The following GATB variants were observed in gnomAD, a reference collection of about 807,000 sequenced individuals.
GATB encodes the protein glutamyl-tRNA(Gln) amidotransferase subunit B, mitochondrial.
A neutral mutation model predicts 62.3 loss-of-function variants in GATB; 39 were observed. That is an observed-to-expected ratio of 0.63 (90% CI 0.48 to 0.82). The LOEUF is 0.82. GATB is among the 40% of genes least tolerant of loss of function. The probability of loss-of-function intolerance (pLI) is 0.00; values close to 1 mark genes in which losing one functional copy is unlikely to be tolerated. For missense variants in GATB, 670 were observed against 684.0 expected (o/e 0.98, Z 0.23); for synonymous variants, 276 against 258.9 (o/e 1.07, Z -0.63).
chr4:151,731,499 C>T (rs1450606960), intron 2 of GATB, among the ~76,000 whole-genome samples: 1 of 152,220 alleles, frequency 6.6e-6, no homozygotes, highest in Non-Finnish European at 1.5e-5. Flanking sequence ...CCTTGGCCTC[C>T]CAAAGTGCCG....
intron 12 of GATB, among the ~76,000 whole-genome samples, chr4:151,672,257 T>C (rs2278304): frequency 0.59 from 90,343 of 152,118 alleles, 29,243 homozygotes; most frequent in African/African-American, 0.87. Context: ...TGGTTTTCAG[T>C]CATGCTCCTG....
rs777032329 is a variant in GATB at position 151,758,901 on chromosome 4, C to A, written c.198G>T (p.Val66=). The A allele has an allele frequency of 6.2e-7, 1 of 1,608,850 alleles. No homozygotes were observed. The highest frequency in any genetic ancestry group is 2.2e-5 in the East Asian group (1 of 44,746). The stretch of plus-strand genomic sequence containing the variant: ...TCTGGGCATGAATTTCCAAACCTAC[C>A]ACAGCAGCCCATTTGTGTTCACTAA... ...TRKGEHKWAA[V]VGLEIHAQIS... is the part of the protein sequence containing the mutation. Residue 66 remains valine, a synonymous_variant, in exon 2 of 13, where the codon GTG becomes GTT. Coordinates refer to ENST00000263985, the MANE Select transcript of GATB (RefSeq NM_004564.3).
intron 2 of GATB, among the ~76,000 whole-genome samples, chr4:151,745,978 A>G (rs1291430494): frequency 2.0e-5 from 3 of 152,260 alleles, no homozygotes; most frequent in African/African-American, 7.2e-5. Flanking sequence ...TATGTTACAT[A>G]CAGATAAGAG....
At chr4:151,682,306 G>T (rs1217445582) in intron 10 of GATB, among the ~76,000 whole-genome samples, 1 of 152,122 alleles carries the variant, frequency 6.6e-6, no homozygotes, top group African/African-American at 2.4e-5. Flanking sequence ...ATATGCCAGG[G>T]CTAAACTTGA....
At chr4:151,714,385 G>C (rs1738875595) in intron 5 of GATB, among the ~76,000 whole-genome samples, 1 of 152,244 alleles carries the variant, frequency 6.6e-6, no homozygotes, top group Non-Finnish European at 1.5e-5. Flanking sequence ...CAAAGGAGAG[G>C]GGGCTGATAA....
chr4:151,711,555 C>T (rs1738819067), intron 5 of GATB, among the ~76,000 whole-genome samples: 1 of 152,202 alleles, frequency 6.6e-6, no homozygotes, highest in African/African-American at 2.4e-5. Context: ...CTGCCTGGGC[C>T]TTGAATCATT....
intron 2 of GATB, among the ~76,000 whole-genome samples, chr4:151,729,970 A>G (rs1739211422): frequency 6.6e-6 from 1 of 152,212 alleles, no homozygotes; most frequent in Non-Finnish European, 1.5e-5. Context: ...CAGGCCAGCA[A>G]TCCTGAGAAA....
At position 151,760,888 on chromosome 4, in the gene GATB, G is replaced by C; in HGVS notation, c.95C>G (p.Thr32Ser). The C allele has an allele frequency of 6.2e-7, 1 of 1,614,126 alleles. No homozygotes were observed. The highest frequency in any genetic ancestry group is 8.5e-7 in the Non-Finnish European group (1 of 1,179,992). ...CCTAATCTGGTTGGATGTGGACCCA[G>C]TCGGAGCCCCTCTTCGGTGGCAAGA... ...GGSCHRRGAP[T>S]GSTSNQIRGE... is the part of the protein sequence containing the mutation. Residue 32 changes from threonine (T) to serine (S), a missense_variant, in exon 1 of 13, where the codon ACT becomes AGT. Coordinates refer to ENST00000263985, the MANE Select transcript of GATB (RefSeq NM_004564.3).
intron 2 of GATB, among the ~76,000 whole-genome samples, chr4:151,731,648 G>A (rs944790024): frequency 2.6e-5 from 4 of 152,142 alleles, no homozygotes; most frequent in Non-Finnish European, 5.9e-5. Flanking sequence ...CTTCCCAGCT[G>A]CCATCCCGTC....
chr4:151,685,866 G>A (rs1217297259), intron 10 of GATB, among the ~76,000 whole-genome samples: 3 of 149,210 alleles, frequency 2.0e-5, no homozygotes, highest in Non-Finnish European at 4.4e-5. Flanking sequence ...TGCCCAACAT[G>A]GTGAAACCCT....
intron 9 of GATB, among the ~76,000 whole-genome samples, chr4:151,693,633 C>A (rs1160148614): frequency 6.6e-6 from 1 of 152,152 alleles, no homozygotes; most frequent in African/African-American, 2.4e-5. Flanking sequence ...TCCCAAGGAA[C>A]ACAGAACTAG....
Position 151,701,364 on chromosome 4 carries a change from A to C in GATB, c.1162T>G (p.Tyr388Asp). The change falls in exon 9 of 13, where the codon TAT (tyrosine) becomes GAT (aspartate). Residue 388 changes from tyrosine (Y) to aspartate (D), a missense_variant. Coordinates refer to ENST00000263985, the MANE Select transcript of GATB (RefSeq NM_004564.3). ...AAGCTGTGTTCCAGCAGCATCCCATACTGTTGGACAAGCTTCTCTCGGGTC... is the reference window on the plus strand; with the variant it reads ...AAGCTGTGTTCCAGCAGCATCCCATCCTGTTGGACAAGCTTCTCTCGGGTC... ...SVTREKLVQQ[Y>D]GMLLEHSFTL... is the part of the protein sequence containing the mutation. The C allele has an allele frequency of 6.3e-7, 1 of 1,585,200 alleles. No individual in the cohort carries two copies. Among genetic ancestry groups the C allele is most frequent in the Non-Finnish European group, 8.6e-7 (1 of 1,165,538 alleles).
At chr4:151,679,203 T>A (rs962883400) in intron 11 of GATB, among the ~76,000 whole-genome samples, 2 of 152,176 alleles carry the variant, frequency 1.3e-5, no homozygotes, top group Non-Finnish European at 2.9e-5. Context: ...CCTCTGGGTA[T>A]GTATTTGTAA....
chr4:151,731,895 G>A (rs1409909457), intron 2 of GATB, among the ~76,000 whole-genome samples: 4 of 150,948 alleles, frequency 2.6e-5, no homozygotes, highest in South Asian at 4.2e-4. Flanking sequence ...CCCAGCAGCC[G>A]CCCCATCCGG....
intron 1 of GATB, 36 bp downstream of exon 1, chr4:151,760,769 TCA>T (rs1419778359): frequency 1.3e-6 from 2 of 1,526,014 alleles, no homozygotes; most frequent in African/African-American, 1.4e-5. Context: ...CAGTTCCACC[TCA>T]CAGTTAGGTG....
chr4:151,718,132 G>A (rs12649199), intron 3 of GATB, among the ~76,000 whole-genome samples: 29,435 of 152,192 alleles, frequency 0.19, 3,697 homozygotes, highest in Non-Finnish European at 0.28. Flanking sequence ...TCAGTAGGTC[G>A]AGGGTGGGGC....
intron 10 of GATB, among the ~76,000 whole-genome samples, chr4:151,688,222 C>T (rs746133209): frequency 7.9e-5 from 12 of 152,144 alleles, no homozygotes; most frequent in Admixed American, 2.0e-4. Flanking sequence ...CGTCCCCTCC[C>T]GAGGGGAGCC....
At chr4:151,702,824 A>G (rs1234402310) in intron 8 of GATB, among the ~76,000 whole-genome samples, 1 of 152,108 alleles carries the variant, frequency 6.6e-6, no homozygotes, top group African/African-American at 2.4e-5. Flanking sequence ...TATTCAGAAG[A>G]AGTGGTGGTT....
chr4:151,672,837 C>T lies in GATB; in HGVS notation c.1470G>A (p.Lys490=). 1.2e-6 allele frequency: 2 copies of T among 1,614,238 alleles called. No homozygotes were observed. The highest frequency in any genetic ancestry group is 1.7e-6 in the Non-Finnish European group (2 of 1,180,040). The stretch of plus-strand genomic sequence containing the variant: ...CCTGGTCCTGCATCAGTTCAAGCTG[C>T]TTTTCTGAAACAATCTGCCCTGGAG... ...GKTPGQIVSE[K]QLELMQDQGA... The change falls in exon 12 of 13, where the codon AAG becomes AAA. Residue 490 remains lysine, a synonymous_variant. Transcript: ENST00000263985.
Sources: allele counts gnomAD v4.1 joint callset (sites outside exome capture counted in the v4.1 genomes callset), GRCh38; gene constraint gnomAD v4.1.1; transcripts MANE v1.5; gene names NCBI Gene and HGNC (gene_info 2026-07-23, HGNC 2026-07-21).